Variants in CNTN5 observed in about 807,000 individuals in gnomAD.
CNTN5 encodes the protein contactin 5.
CNTN5 carries 77 observed loss-of-function variants against 129.1 expected under a neutral mutation model. That is an observed-to-expected ratio of 0.60 (90% CI 0.50 to 0.72). CNTN5 has a LOEUF of 0.72. Among genes scored for constraint, CNTN5 ranks in the 30% least tolerant of loss-of-function variants. The probability of loss-of-function intolerance (pLI) is 0.00; values close to 1 mark genes in which losing one functional copy is unlikely to be tolerated. For synonymous variants in CNTN5, 509 were observed against 465.6 expected (o/e 1.09, Z -1.20); for missense variants, 1,478 against 1,328.8 (o/e 1.11, Z -1.75).
At chr11:100,217,563 AT>A (rs1240367927) in intron 15 of CNTN5, among the ~76,000 whole-genome samples, 2 of 152,136 alleles carry the variant, frequency 1.3e-5, no homozygotes, top group African/African-American at 4.8e-5. Context: ...TAAATGTACA[AT>A]TTTTTTCTGA....
intron 6 of CNTN5, among the ~76,000 whole-genome samples, chr11:99,884,189 T>C (rs1948840153): frequency 1.3e-5 from 2 of 152,094 alleles, no homozygotes; most frequent in African/African-American, 4.8e-5. Context: ...ATGAACTATA[T>C]ATGAAATAAC....
chr11:99,723,243 A>T (rs1415990193), intron 3 of CNTN5, among the ~76,000 whole-genome samples: 1 of 151,988 alleles, frequency 6.6e-6, no homozygotes, highest in Admixed American at 6.6e-5. Flanking sequence ...AAAAATCCAC[A>T]TTAGCCAAAC....
At position 99,241,317 on chromosome 11, in the gene CNTN5, G is replaced by GTTT. The variant is rs1565430527; in HGVS notation, c.-209-84029_-209-84028insTTT. Among the ~76,000 whole-genome samples the GTTT allele has an allele frequency of 5.0e-3, 298 of 60,028 alleles. 3 individuals carry two copies. Among genetic ancestry groups the GTTT allele is most frequent in the African/African-American group, 0.015 (264 of 17,960 alleles). The allele number at this position is 60,028 out of a possible 152,430, so 39.4% of individuals were successfully genotyped here. Reference sequence around the variant, plus strand: ...TGTGACACTCCTTCATTTGATTGTTGGTTTTTTTTTTTTTTTTTTTTTGAT... The same window carrying GTTT: ...TGTGACACTCCTTCATTTGATTGTTGTTTGTTTTTTTTTTTTTTTTTTTTTGAT... On this transcript the variant is annotated intron_variant, in intron 1 of 24. Transcript: ENST00000524871.
Position 99,939,374 on chromosome 11 carries a change from G to A in CNTN5, c.674-17432G>A, listed in dbSNP as rs140238478. On this transcript the variant is annotated intron_variant, in intron 7 of 24. Transcript: ENST00000524871. ...ATACATATTTTGTTATTTTAAAAAC[G>A]TGAAAAAATAAAATTAACCTCAAAA... 3.0e-3 allele frequency among the ~76,000 whole-genome samples: 463 copies of A among 151,996 alleles called. 4 individuals are homozygous for A. Among genetic ancestry groups the A allele is most frequent in the Non-Finnish European group, 2.7e-3 (182 of 67,932 alleles).
chr11:99,577,553 T>G (rs913756430), intron 3 of CNTN5, among the ~76,000 whole-genome samples: 1 of 152,180 alleles, frequency 6.6e-6, no homozygotes. Context: ...TGCTGTAGGA[T>G]GTCATGATTT....
At chr11:99,736,238 C>T (rs1298448326) in intron 3 of CNTN5, among the ~76,000 whole-genome samples, 1 of 152,296 alleles carries the variant, frequency 6.6e-6, no homozygotes, top group East Asian at 1.9e-4. Context: ...AGTGTAACAG[C>T]AAGCTTATCT....
intron 2 of CNTN5, among the ~76,000 whole-genome samples, chr11:99,376,092 AGG>A (rs1257386105): frequency 1.3e-5 from 2 of 152,180 alleles, no homozygotes; most frequent in Non-Finnish European, 2.9e-5. Flanking sequence ...AGTTTCAGCG[AGG>A]TAGGATGACT....
At chr11:99,694,054 A>G (rs1346611492) in intron 3 of CNTN5, among the ~76,000 whole-genome samples, 1 of 152,112 alleles carries the variant, frequency 6.6e-6, no homozygotes, top group Non-Finnish European at 1.5e-5. Context: ...TTAAGCAAAT[A>G]ATGTTGCCGA....
At position 100,330,483 on chromosome 11, in the gene CNTN5, T is replaced by G. The variant is rs1951883413; in HGVS notation, c.2731-9980T>G. On this transcript the variant is annotated intron_variant, in intron 21 of 24. Transcript: ENST00000524871. ...AAATATAAGAAACTCAAAGAACACC[T>G]GGGAAATTCATCACAAAAAGATCAT... Among the ~76,000 whole-genome samples, 3 of 150,398 alleles carry G rather than the reference T, an allele frequency of 2.0e-5. 1 individual carries two copies. The South Asian group carries it at 6.2e-4, about 31-fold the overall frequency.
At chr11:99,163,593 T>C (rs1016508331) in intron 1 of CNTN5, among the ~76,000 whole-genome samples, 56 of 152,306 alleles carry the variant, frequency 3.7e-4, no homozygotes, top group African/African-American at 1.3e-3. Flanking sequence ...CTTAGTATAC[T>C]TCTTTACCTA....
intron 2 of CNTN5, among the ~76,000 whole-genome samples, chr11:99,360,241 TC>T (rs1351864669): frequency 2.0e-5 from 3 of 152,142 alleles, no homozygotes; most frequent in African/African-American, 7.2e-5. Context: ...ATGTAGCAGC[TC>T]TGACACATTA....
At position 99,906,916 on chromosome 11, in the gene CNTN5, G is replaced by A. The variant is rs191944868; in HGVS notation, c.578-9138G>A. Among the ~76,000 whole-genome samples, 1,272 of 152,066 alleles carry A rather than the reference G, an allele frequency of 8.4e-3. 14 individuals carry two copies. The highest frequency in any genetic ancestry group is 0.012 in the Non-Finnish European group (837 of 67,960). ...GATTTTCTAGTTTATTTGCATAGAG[G>A]TGTTTATAGTATTCTCTGATGGTAG... On this transcript the variant is annotated intron_variant, in intron 6 of 24. Coordinates refer to ENST00000524871, the MANE Select transcript of CNTN5 (RefSeq NM_014361.4).
intron 2 of CNTN5, among the ~76,000 whole-genome samples, chr11:99,530,588 C>A (rs1947662137): frequency 6.6e-6 from 1 of 152,170 alleles, no homozygotes; most frequent in African/African-American, 2.4e-5. Context: ...AGCTTCCATA[C>A]TGATATGGGT....
At chr11:100,122,093 T>A (rs146407155) in intron 13 of CNTN5, among the ~76,000 whole-genome samples, 46 of 152,106 alleles carry the variant, frequency 3.0e-4, no homozygotes, top group African/African-American at 1.0e-3. Flanking sequence ...GCAGGCTATC[T>A]GCAAGCTGGA....
intron 1 of CNTN5, among the ~76,000 whole-genome samples, chr11:99,027,920 G>A (rs1232748167): frequency 6.6e-6 from 1 of 151,632 alleles, no homozygotes; most frequent in African/African-American, 2.4e-5. Flanking sequence ...GACTAAAAAG[G>A]TTAATATTTT....
chr11:99,839,288 C>T (rs563697511), intron 4 of CNTN5, among the ~76,000 whole-genome samples: 1 of 152,202 alleles, frequency 6.6e-6, no homozygotes, highest in East Asian at 1.9e-4. Context: ...AATGTGTACT[C>T]AATTGTTCAT....
chr11:99,224,525 T>C (rs768035602), intron 1 of CNTN5, among the ~76,000 whole-genome samples: 3 of 152,116 alleles, frequency 2.0e-5, no homozygotes, highest in Non-Finnish European at 4.4e-5. Flanking sequence ...GTATCTGTAA[T>C]GAATGCATTG....
chr11:99,969,918 A>AT (rs770591233), intron 8 of CNTN5, among the ~76,000 whole-genome samples: 20 of 152,224 alleles, frequency 1.3e-4, no homozygotes, highest in African/African-American at 4.1e-4. Context: ...ATTTTTAAAT[A>AT]TTTTTTTCTT....
chr11:99,679,064 A>G (rs1448294511), intron 3 of CNTN5, among the ~76,000 whole-genome samples: 1 of 147,102 alleles, frequency 6.8e-6, no homozygotes, highest in Non-Finnish European at 1.5e-5. Context: ...ATACTTATAT[A>G]TGTCTTCTAT....
Sources: allele counts gnomAD v4.1 joint callset (sites outside exome capture counted in the v4.1 genomes callset), GRCh38; gene constraint gnomAD v4.1.1; transcripts MANE v1.5; gene names NCBI Gene and HGNC (gene_info 2026-07-23, HGNC 2026-07-21).